Variants in PCDHGA4 observed in about 807,000 individuals in gnomAD.
The protein encoded by PCDHGA4 is protocadherin gamma-A4.
In PCDHGA4, 38 loss-of-function variants were observed where a neutral mutation model predicts 54.6. The ratio of observed to expected loss-of-function variants is 0.70; its 90% confidence interval spans 0.54 to 0.91. PCDHGA4 has a LOEUF of 0.91. Among genes scored for constraint, PCDHGA4 ranks in the 40% least tolerant of loss-of-function variants. PCDHGA4 has a pLI of 0.00. For missense variants in PCDHGA4, 1,298 were observed against 1,220.9 expected (o/e 1.06, Z -0.94); for synonymous variants, 511 against 512.9 (o/e 1.00, Z 0.05).
At chr5:141,391,795 A>G (rs1220181718) in intron 1 of PCDHGA4, 2 of 152,206 alleles carry the variant, frequency 1.3e-5, no homozygotes, top group African/African-American at 4.8e-5. Context: ...GCAGTTTTTT[A>G]GATCAAAGTG....
chr5:141,506,177 G>A (rs1024892091), intron 3 of PCDHGA4, among the ~76,000 whole-genome samples: 16 of 152,142 alleles, frequency 1.1e-4, no homozygotes, highest in Admixed American at 4.6e-4. Flanking sequence ...TAAGCTGGGC[G>A]TGGTGGCTCA....
At chr5:141,433,066 C>A in intron 1 of PCDHGA4, 2 of 1,614,210 alleles carry the variant, frequency 1.2e-6, no homozygotes, top group Non-Finnish European at 1.7e-6. Context: ...GTCACCTGAT[C>A]TTCCCCCAGC....
chr5:141,456,390 T>G (rs1007800936), intron 1 of PCDHGA4, among the ~76,000 whole-genome samples: 2 of 152,114 alleles, frequency 1.3e-5, no homozygotes, highest in African/African-American at 4.8e-5. Context: ...CGTTTGGAGT[T>G]TGATTGCTTC....
intron 2 of PCDHGA4, among the ~76,000 whole-genome samples, chr5:141,495,507 C>T (rs1380258502): frequency 6.6e-6 from 1 of 152,188 alleles, no homozygotes; most frequent in African/African-American, 2.4e-5. Context: ...TCCGTCTTTG[C>T]CACTTTCTCT....
intron 1 of PCDHGA4, chr5:141,393,785 G>A (rs753963995): frequency 6.2e-7 from 1 of 1,613,922 alleles, no homozygotes; most frequent in Non-Finnish European, 8.5e-7. Context: ...CCGAAGATGT[G>A]GGGGCACTTC....
At chr5:141,498,073 T>C (rs1474889879) in intron 2 of PCDHGA4, among the ~76,000 whole-genome samples, 1 of 152,214 alleles carries the variant, frequency 6.6e-6, no homozygotes, top group Non-Finnish European at 1.5e-5. Context: ...CTGTCATAAG[T>C]GCTAGGTAGA....
At chr5:141,465,186 G>T (rs2099098546) in intron 1 of PCDHGA4, among the ~76,000 whole-genome samples, 1 of 151,852 alleles carries the variant, frequency 6.6e-6, no homozygotes, top group African/African-American at 2.4e-5. Flanking sequence ...TTAATTAAAA[G>T]ATAAAAATAA....
Position 141,418,518 on chromosome 5 carries a change from C to G in PCDHGA4, c.2514+60897C>G. Reference sequence around the variant, plus strand: ...CTGACCGCCTTAGATGGTGGGGACCCTCCCCGAAGCGGTACTGCTCAGATA... The same window carrying G: ...CTGACCGCCTTAGATGGTGGGGACCGTCCCCGAAGCGGTACTGCTCAGATA... On this transcript the variant is annotated intron_variant, in intron 1 of 3. Coordinates refer to ENST00000571252, the MANE Select transcript of PCDHGA4 (RefSeq NM_018917.4). The G allele has an allele frequency of 2.5e-6, 4 of 1,613,986 alleles. 1 individual carries two copies.
chr5:141,438,122 A>T (rs1272350030), intron 1 of PCDHGA4, among the ~76,000 whole-genome samples: 1 of 152,214 alleles, frequency 6.6e-6, no homozygotes, highest in Non-Finnish European at 1.5e-5. Flanking sequence ...CATTCCTAAA[A>T]TATTAATGGC....
At chr5:141,400,303 G>T (rs2094000375) in intron 1 of PCDHGA4, 1 of 1,613,908 alleles carries the variant, frequency 6.2e-7, no homozygotes, top group Non-Finnish European at 8.5e-7. Context: ...CTTCCAACCT[G>T]GTCTCTGTGT....
chr5:141,429,395 A>T (rs545207705), intron 1 of PCDHGA4, among the ~76,000 whole-genome samples: 166 of 152,126 alleles, frequency 1.1e-3, no homozygotes, highest in African/African-American at 3.8e-3. Flanking sequence ...TTTAAAAAAA[A>T]TTGAGATTAA....
chr5:141,376,688 T>G (rs959333255), intron 1 of PCDHGA4: 5 of 824,852 alleles, frequency 6.1e-6, no homozygotes, highest in Non-Finnish European at 9.0e-6. Context: ...TTTTTTTTTT[T>G]TTTTTTTTTG....
intron 1 of PCDHGA4, chr5:141,359,898 A>G: frequency 2.5e-6 from 1 of 399,476 alleles, no homozygotes; most frequent in Admixed American, 4.1e-5. Context: ...AAATATTGAC[A>G]AGCCATTAGT....
At chr5:141,370,963 G>A in intron 1 of PCDHGA4, 1 of 1,614,018 alleles carries the variant, frequency 6.2e-7, no homozygotes, top group Non-Finnish European at 8.5e-7. Flanking sequence ...GATGGCAGTA[G>A]GTACCCAGAG....
chr5:141,402,872 T>A, intron 1 of PCDHGA4: 1 of 1,455,372 alleles, frequency 6.9e-7, no homozygotes, highest in Non-Finnish European at 9.1e-7. Flanking sequence ...AAGATCACCA[T>A]ACTTTGCAGG....
rs370015318 is a variant in PCDHGA4 at position 141,371,900 on chromosome 5, G to A, written c.2514+14279G>A. 5 of 1,613,260 alleles carry A rather than the reference G, an allele frequency of 3.1e-6. No homozygotes were observed. In the African/African-American group the frequency reaches 5.3e-5, roughly 17 times the overall value. On this transcript the variant is annotated intron_variant, in intron 1 of 3. Transcript: ENST00000571252. ...GTGACCTGGAGCCGCGGGAGCTGTC[G>A]TCCTACGTGTCCGTGAGCGCGCGGA...
intron 1 of PCDHGA4, chr5:141,364,397 C>T (rs1412341598): frequency 1.2e-6 from 2 of 1,605,004 alleles, no homozygotes; most frequent in Admixed American, 3.4e-5. Flanking sequence ...CCTGGGGACG[C>T]TGTGCGAGCC....
In PCDHGA4 at chr5:141,404,353, A is replaced by G. The variant is rs778714799; in HGVS notation, c.2514+46732A>G. ...TCTACCTCCCGGAAAACAACGCCAGAGGTACTTCCATCTTCTCCGTGATTG... is the reference window on the plus strand; with the variant it reads ...TCTACCTCCCGGAAAACAACGCCAGGGGTACTTCCATCTTCTCCGTGATTG... On this transcript the variant is annotated intron_variant, in intron 1 of 3. Coordinates refer to ENST00000571252, the MANE Select transcript of PCDHGA4 (RefSeq NM_018917.4). 2.0e-5 allele frequency: 33 copies of G among 1,613,948 alleles called. No individual in the cohort carries two copies. In the Admixed American group the frequency reaches 5.5e-4, roughly 27 times the overall value.
At chr5:141,418,629 C>T in intron 1 of PCDHGA4, 1 of 1,614,014 alleles carries the variant, frequency 6.2e-7, no homozygotes, top group Non-Finnish European at 8.5e-7. Context: ...GACGTGCCTC[C>T]AGGCACCTCC....
Sources: allele counts gnomAD v4.1 joint callset (sites outside exome capture counted in the v4.1 genomes callset), GRCh38; gene constraint gnomAD v4.1.1; transcripts MANE v1.5; gene names NCBI Gene and HGNC (gene_info 2026-07-23, HGNC 2026-07-21).